Variants in IL36RN observed in about 807,000 individuals in gnomAD.
The protein encoded by IL36RN is interleukin 36 receptor antagonist.
A neutral mutation model predicts 13.0 loss-of-function variants in IL36RN; 11 were observed. The ratio of observed to expected loss-of-function variants is 0.85; its 90% CI spans 0.53 to 1.40. The LOEUF is 1.40. Among genes scored for constraint, IL36RN ranks in the 40% most tolerant of loss-of-function variants. The pLI is 0.00. For missense variants in IL36RN, 195 were observed against 195.3 expected (o/e 1.00, Z 0.01); for synonymous variants, 94 against 84.1 (o/e 1.12, Z -0.64).
At position 113,062,863 on chromosome 2, in the gene IL36RN, G is replaced by C. The variant is rs1469520142; in HGVS notation, c.*186G>C. ...TTCTGAGATTTGGAGCTCAGTCCACGGTCCTCCCCCACTGGATGGTGCTAC... is the reference window on the plus strand; with the variant it reads ...TTCTGAGATTTGGAGCTCAGTCCACCGTCCTCCCCCACTGGATGGTGCTAC... On this transcript the variant is annotated 3_prime_UTR_variant, in exon 5 of 5. Transcript: ENST00000393200. 3 of 658,600 alleles carry C rather than the reference G, an allele frequency of 4.6e-6. No individual in the cohort carries two copies. Among genetic ancestry groups the C allele is most frequent in the Non-Finnish European group, 8.2e-6 (3 of 365,218 alleles). 40.8% of individuals were successfully genotyped at this position (658,600 alleles called of 1,614,324 possible).
At chr2:113,061,039 A>G in intron 3 of IL36RN, 102 bp downstream of exon 3, 1 of 898,158 alleles carries the variant, frequency 1.1e-6, no homozygotes, top group Non-Finnish European at 1.8e-6. Flanking sequence ...GCATAGGCCT[A>G]CAGAGCCCAG....
Position 113,064,267 on chromosome 2 carries a change from G to T in IL36RN, c.*1590G>T, listed in dbSNP as rs527462953. 13 of 152,302 alleles carry T rather than the reference G, an allele frequency of 8.5e-5. No individual in the cohort carries two copies. The South Asian group carries it at 1.7e-3, about 19-fold the overall frequency. 9.4% of individuals were successfully genotyped at this position (152,302 alleles called of 1,614,324 possible). ...ACTTCCAGCCTCCTGAACGAAGAAA[G>T]AATAAATTTCGGCTGTTTTAAGCCA... On this transcript the variant is annotated 3_prime_UTR_variant, in exon 5 of 5. Transcript: ENST00000393200.
At chr2:113,060,008 C>G (rs56665613) in intron 2 of IL36RN, among the ~76,000 whole-genome samples, 2 of 152,146 alleles carry the variant, frequency 1.3e-5, no homozygotes, top group Non-Finnish European at 2.9e-5. Flanking sequence ...CTATGGGACT[C>G]GATTAGAGGA....
intron 3 of IL36RN, among the ~76,000 whole-genome samples, chr2:113,061,848 A>G (rs571592202): frequency 5.3e-5 from 8 of 152,236 alleles, no homozygotes; most frequent in Non-Finnish European, 8.8e-5. Context: ...AGGGACATTA[A>G]AGGAGGGGGT....
intron 4 of IL36RN, 51 bp downstream of exon 4, chr2:113,062,302 A>T (rs1685658582): frequency 6.2e-7 from 1 of 1,611,932 alleles, no homozygotes; most frequent in African/African-American, 1.3e-5. Context: ...TGCTGAGCCT[A>T]CTGAAGCCGG....
Position 113,063,299 on chromosome 2 carries a change from C to T in IL36RN, c.*622C>T, listed in dbSNP as rs1685682334. On this transcript the variant is annotated 3_prime_UTR_variant, in exon 5 of 5. Transcript: ENST00000393200. ...AAGATAAGTAGGGTATGCTGATCCT[C>T]TTTTAAAAACCCAAGATACAATCAA... 6.3e-6 allele frequency: 1 copy of T among 159,924 alleles called. No individual in the cohort carries two copies. 9.9% of individuals were successfully genotyped at this position (159,924 alleles called of 1,614,324 possible).
rs1382733545 is a variant in IL36RN, at chr2:113,063,862, T to TG, written c.*1187dup. 6.6e-6 allele frequency: 1 copy of TG among 152,192 alleles called. No individual in the cohort carries two copies. The highest frequency in any genetic ancestry group is 1.5e-5 in the Non-Finnish European group (1 of 68,022). The allele number at this position is 152,192 out of a possible 1,614,324, so 9.4% of individuals were successfully genotyped here. On this transcript the variant is annotated 3_prime_UTR_variant, in exon 5 of 5. Coordinates refer to ENST00000393200, the MANE Select transcript of IL36RN (RefSeq NM_012275.3). ...CACAGCCCCTGGGATTCCAAGGCAT[T>TG]GGATCCAGTCTCTAAGAAGGCTGCT...
At position 113,062,147 on chromosome 2, in the gene IL36RN, A is replaced by T; in HGVS notation, c.139A>T (p.Asn47Tyr). 1 of 1,614,128 alleles carries T rather than the reference A, an allele frequency of 6.2e-7. No homozygotes were observed. Among genetic ancestry groups the T allele is most frequent in the Non-Finnish European group, 8.5e-7 (1 of 1,179,970 alleles). ...AGGTGAAGAGATCAGCGTGGTCCCC[A>T]ATCGGTGGCTGGATGCCAGCCTGTC... ...IKGEEISVVP[N>Y]RWLDASLSPV... Residue 47 changes from asparagine to tyrosine, a missense_variant, in exon 4 of 5, where the codon AAT becomes TAT. Asn to Tyr is a moderately radical substitution (Grantham distance 143). Coordinates refer to ENST00000393200, the MANE Select transcript of IL36RN (RefSeq NM_012275.3).
At chr2:113,060,155 T>C (rs1286118477) in intron 2 of IL36RN, among the ~76,000 whole-genome samples, 3 of 152,070 alleles carry the variant, frequency 2.0e-5, no homozygotes, top group Admixed American at 6.5e-5. Flanking sequence ...TGAGGTTTTC[T>C]GAAGTAAGGC....
At chr2:113,060,967 T>C in intron 3 of IL36RN, 30 bp downstream of exon 3, 3 of 1,536,508 alleles carry the variant, frequency 2.0e-6, no homozygotes, top group Non-Finnish European at 2.7e-6. Context: ...CCACTTTCCT[T>C]GGTCTCTATA....
intron 2 of IL36RN, among the ~76,000 whole-genome samples, chr2:113,059,681 C>T (rs1417574908): frequency 6.6e-6 from 1 of 152,116 alleles, no homozygotes; most frequent in African/African-American, 2.4e-5. Flanking sequence ...GTCCCTGATG[C>T]TGAGGGGGAT....
At position 113,064,096 on chromosome 2, in the gene IL36RN, G is replaced by A. The variant is rs1436957392; in HGVS notation, c.*1419G>A. On this transcript the variant is annotated 3_prime_UTR_variant, in exon 5 of 5. Coordinates refer to ENST00000393200, the MANE Select transcript of IL36RN (RefSeq NM_012275.3). ...GGAGATGCGGGGAAGACTATGTAAA[G>A]ATGAAGGCAGAGATCGGAGTTTTGC... 1 of 152,168 alleles carries A rather than the reference G, an allele frequency of 6.6e-6. No individual in the cohort carries two copies. The highest frequency in any genetic ancestry group is 6.5e-5 in the Admixed American group (1 of 15,268). 9.4% of individuals were successfully genotyped at this position (152,168 alleles called of 1,614,324 possible). A position where few individuals can be genotyped will look rare whatever the true frequency, so the allele number is the denominator to read the frequency against.
chr2:113,062,272 A>T, intron 4 of IL36RN, 21 bp downstream of exon 4: 1 of 1,613,728 alleles, frequency 6.2e-7, no homozygotes. Context: ...GGGCATCCTC[A>T]CTGGGGACTC....
At chr2:113,059,936 T>A (rs1530550) in intron 2 of IL36RN, among the ~76,000 whole-genome samples, 104,638 of 152,142 alleles carry the variant, frequency 0.69, 36,772 homozygotes, top group East Asian at 0.93. Context: ...TTCTGGGCTT[T>A]ACAACAGAGG....
rs1348538791 is a variant in IL36RN, at chr2:113,060,897, G to A, written c.75G>A (p.Gln25=). The change falls in exon 3 of 5, where the codon CAG becomes CAA. Residue 25 remains glutamine, a synonymous_variant. Transcript: ENST00000393200. The part of the protein sequence containing the change: ...ALKVLYLHNN[Q]LLAGGLHAGK... ...AGGTGCTTTATCTGCATAATAACCA[G>A]CTTCTAGCTGGAGGGCTGCATGCAG... 7.4e-6 allele frequency: 12 copies of A among 1,614,202 alleles called. 1 individual carries two copies. In the South Asian group the frequency reaches 1.1e-4, roughly 15 times the overall value.
At chr2:113,059,330 G>A (rs1558842216) in intron 1 of IL36RN, 82 bp from the exon 2 acceptor site, 2 of 1,220,018 alleles carry the variant, frequency 1.6e-6, no homozygotes, top group Non-Finnish European at 2.4e-6. Flanking sequence ...ATGCTGGGGA[G>A]CTCGGTGCAG....
chr2:113,059,535 C>T, intron 2 of IL36RN, 68 bp downstream of exon 2: 1 of 1,576,050 alleles, frequency 6.3e-7, no homozygotes, highest in South Asian at 1.1e-5. Context: ...GACCCGTTGT[C>T]CAGCTCTGAG....
Position 113,060,876 on chromosome 2 carries a change from G to GC in IL36RN, c.55dup (p.Leu19ProfsTer5). The GC allele has an allele frequency of 6.2e-7, 1 of 1,614,142 alleles. No homozygotes were observed. Among genetic ancestry groups the GC allele is most frequent in the Non-Finnish European group, 8.5e-7 (1 of 1,179,972 alleles). ...GAATGAAGGACTCGGCATTGAAGGT[G>GC]CTTTATCTGCATAATAACCAGCTTC... On this transcript the variant is annotated frameshift_variant, in exon 3 of 5. Coordinates refer to ENST00000393200, the MANE Select transcript of IL36RN (RefSeq NM_012275.3). LOFTEE classifies it high-confidence loss of function.
intron 2 of IL36RN, among the ~76,000 whole-genome samples, chr2:113,060,101 C>A (rs577452216): frequency 6.7e-6 from 1 of 149,772 alleles, no homozygotes; most frequent in Admixed American, 6.7e-5. Context: ...TTTCTACATC[C>A]TCTCATAAGA....
Sources: allele counts gnomAD v4.1 joint callset (sites outside exome capture counted in the v4.1 genomes callset), GRCh38; gene constraint gnomAD v4.1.1; transcripts MANE v1.5; gene names NCBI Gene and HGNC (gene_info 2026-07-23, HGNC 2026-07-21).